Variants in DCAF6 observed in about 807,000 individuals in gnomAD.
The protein encoded by DCAF6 is DDB1 and CUL4 associated factor 6.
A neutral mutation model predicts 125.1 loss-of-function variants in DCAF6; 54 were observed. The ratio of observed to expected loss-of-function variants is 0.43; its 90% CI spans 0.35 to 0.54. DCAF6 has a LOEUF of 0.54. Ranked by LOEUF, DCAF6 falls within the 20% of genes least tolerant of loss-of-function variation. The pLI is 0.01. For synonymous variants in DCAF6, 371 were observed against 390.4 expected (o/e 0.95, Z 0.58); for missense variants, 934 against 1,161.7 (o/e 0.80, Z 2.85).
At chr1:168,036,532 G>C (rs1379664113) in intron 12 of DCAF6, among the ~76,000 whole-genome samples, 1 of 152,106 alleles carries the variant, frequency 6.6e-6, no homozygotes, top group Non-Finnish European at 1.5e-5. Context: ...CCAATCTTTA[G>C]CTGTCTGTTT....
chr1:167,914,738 T>C, the DCAF6 span, among the ~76,000 whole-genome samples: 1 of 152,234 alleles, frequency 6.6e-6, no homozygotes, highest in Non-Finnish European at 1.5e-5. Context: ...CTAAATGTTC[T>C]TATGTATATC....
intron 8 of DCAF6, 52 bp from the exon 9 acceptor site, chr1:168,003,818 G>T: frequency 1.3e-6 from 2 of 1,491,328 alleles, no homozygotes; most frequent in Non-Finnish European, 1.8e-6. Flanking sequence ...TTGTATTAAT[G>T]AAAGATTCTG....
intron 21 of DCAF6, among the ~76,000 whole-genome samples, chr1:168,069,804 T>G (rs1048710906): frequency 6.6e-6 from 1 of 152,214 alleles, no homozygotes; most frequent in Non-Finnish European, 1.5e-5. Flanking sequence ...AATGTTTTTG[T>G]GATCTTCTTT....
intron 4 of DCAF6, among the ~76,000 whole-genome samples, chr1:167,986,397 T>A (rs1217456678): frequency 1.3e-5 from 2 of 152,228 alleles, no homozygotes; most frequent in East Asian, 3.8e-4. Flanking sequence ...GGGTATGGTA[T>A]AGCTGTATAT....
chr1:167,864,506 T>C, the DCAF6 span, among the ~76,000 whole-genome samples: 7 of 152,020 alleles, frequency 4.6e-5, no homozygotes, highest in Non-Finnish European at 1.0e-4. Context: ...CAATTACAGC[T>C]GGTTTTAGAC....
the DCAF6 span, among the ~76,000 whole-genome samples, chr1:167,877,570 T>C: frequency 6.6e-6 from 1 of 152,100 alleles, no homozygotes; most frequent in African/African-American, 2.4e-5. Flanking sequence ...ACTGGGGATA[T>C]AAGAATAAAG....
At chr1:168,008,552 T>C (rs1406220221) in intron 10 of DCAF6, among the ~76,000 whole-genome samples, 1 of 152,124 alleles carries the variant, frequency 6.6e-6, no homozygotes, top group African/African-American at 2.4e-5. Flanking sequence ...GTATTCTCCA[T>C]GCAGGAGCCA....
intron 12 of DCAF6, among the ~76,000 whole-genome samples, chr1:168,037,104 C>G (rs380682): frequency 7.7e-5 from 10 of 130,056 alleles, no homozygotes; most frequent in African/African-American, 2.6e-4. Context: ...TCTCCCCCCC[C>G]TTTTTTTTTT....
chr1:168,053,520 G>C (rs1690220950), intron 17 of DCAF6, among the ~76,000 whole-genome samples: 1 of 152,154 alleles, frequency 6.6e-6, no homozygotes, highest in Admixed American at 6.5e-5. Context: ...CTTCAATCAT[G>C]GCTATGATTT....
At position 167,951,854 on chromosome 1, in the gene DCAF6, A is replaced by G. The variant is rs1376270643; in HGVS notation, c.152A>G (p.Asp51Gly). ...LKLEATLNVH[D>G]GCVNTICWND... ...CTTGAAGCAACCCTTAATGTGCATG[A>G]TGGTTGTGTAAGTAATAGTTAATTC... is the stretch of plus-strand genomic sequence containing the variant. The change falls in exon 2 of 22, where the codon GAT (aspartate) becomes GGT (glycine). Residue 51 changes from aspartate to glycine, a missense_variant. Asp to Gly is a moderately conservative substitution (Grantham distance 94). Transcript: ENST00000367840. 12 of 1,604,354 alleles carry G rather than the reference A, an allele frequency of 7.5e-6. No homozygotes were observed. The highest frequency in any genetic ancestry group is 3.3e-5 in the Admixed American group (2 of 59,860).
Position 167,972,048 on chromosome 1 carries a change from G to T in DCAF6, c.253-2782G>T, listed in dbSNP as rs375929598. On this transcript the variant is annotated intron_variant, in intron 3 of 21. Coordinates refer to ENST00000367840, the MANE Select transcript of DCAF6 (RefSeq NM_001198956.2). ...TTTTTGTATTTTTAGTGGAGATGGG[G>T]TTTCGCCATGTTGGGCAGGCTGGTC... Among the ~76,000 whole-genome samples, 6 of 152,152 alleles carry T rather than the reference G, an allele frequency of 3.9e-5. No individual in the cohort carries two copies. In the East Asian group the frequency reaches 5.8e-4, roughly 15 times the overall value.
chr1:168,015,752 T>C, intron 10 of DCAF6, 29 bp from the exon 11 acceptor site: 1 of 1,427,562 alleles, frequency 7.0e-7, no homozygotes, highest in Non-Finnish European at 9.2e-7. Context: ...ATTACTGTCT[T>C]TTCACCTTTC....
At chr1:168,041,065 A>G (rs1258039263) in intron 13 of DCAF6, among the ~76,000 whole-genome samples, 1 of 151,960 alleles carries the variant, frequency 6.6e-6, no homozygotes, top group African/African-American at 2.4e-5. Context: ...TCTAAATCTC[A>G]GTTTTCTCCC....
At chr1:167,915,955 C>T in the DCAF6 span, among the ~76,000 whole-genome samples, 1 of 152,140 alleles carries the variant, frequency 6.6e-6, no homozygotes, top group Non-Finnish European at 1.5e-5. Context: ...CCAGGGCTGT[C>T]AGACTTGGCA....
At chr1:167,899,874 A>C in the DCAF6 span, among the ~76,000 whole-genome samples, 2 of 152,310 alleles carry the variant, frequency 1.3e-5, no homozygotes, top group African/African-American at 4.8e-5. Flanking sequence ...ATCTCACTAC[A>C]TGGTCCTACC....
upstream of DCAF6, among the ~76,000 whole-genome samples, chr1:167,934,783 T>C (rs769204791): frequency 6.6e-6 from 1 of 152,214 alleles, no homozygotes; most frequent in Non-Finnish European, 1.5e-5. Context: ...ACACATTTTC[T>C]AGTTTGCCAA....
intron 11 of DCAF6, 40 bp downstream of exon 11, chr1:168,015,991 G>T: frequency 7.2e-7 from 1 of 1,397,138 alleles, no homozygotes; most frequent in Non-Finnish European, 9.4e-7. Flanking sequence ...TGATAGAATT[G>T]TTTTTTAATA....
intron 7 of DCAF6, among the ~76,000 whole-genome samples, chr1:167,995,303 A>AT (rs202075843): frequency 3.3e-5 from 5 of 151,656 alleles, no homozygotes; most frequent in East Asian, 3.9e-4. Flanking sequence ...AGTCATGAAC[A>AT]TTTTTTTTTC....
At chr1:167,948,700 G>A (rs1673463677) in intron 1 of DCAF6, among the ~76,000 whole-genome samples, 1 of 152,112 alleles carries the variant, frequency 6.6e-6, no homozygotes, top group Non-Finnish European at 1.5e-5. Context: ...TGCCCAGGCT[G>A]GAGTACAGTG....
Sources: allele counts gnomAD v4.1 joint callset (sites outside exome capture counted in the v4.1 genomes callset), GRCh38; gene constraint gnomAD v4.1.1; transcripts MANE v1.5; gene names NCBI Gene and HGNC (gene_info 2026-07-23, HGNC 2026-07-21).